Variants in SPTAN1 observed in about 807,000 individuals in gnomAD.
The protein encoded by SPTAN1 is spectrin alpha chain, non-erythrocytic 1.
SPTAN1 carries 61 observed loss-of-function variants against 331.3 expected under a neutral mutation model. The ratio of observed to expected loss-of-function variants is 0.18; its 90% CI spans 0.15 to 0.23. The LOEUF is 0.23. Ranked by LOEUF, SPTAN1 falls within the 10% of genes least tolerant of loss-of-function variation. The pLI, the probability that SPTAN1 is intolerant of heterozygous loss-of-function variation, is 1.00. For synonymous variants in SPTAN1, 1,153 were observed against 1,173.9 expected (o/e 0.98, Z 0.36); for missense variants, 2,043 against 3,147.9 (o/e 0.65, Z 8.40).
intron 20 of SPTAN1, 87 bp from the exon 21 acceptor site, chr9:128,588,722 A>T (rs1853017774): frequency 2.5e-6 from 4 of 1,572,384 alleles, no homozygotes; most frequent in South Asian, 2.2e-5. Context: ...CATTTGGTAC[A>T]GCTGGTGGCA....
rs985235269 is a variant in SPTAN1, at chr9:128,629,178, T to C, written c.6708-1143T>C. ...TATCAGTATGAAGTTGGGGATGATC[T>C]GTCTGGAAGGTTTTTCTCCTTATTT... is the stretch of plus-strand genomic sequence containing the variant. On this transcript the variant is annotated intron_variant, in intron 51 of 56. Transcript: ENST00000372739. The surrounding 1 kb of genome is among the most constrained non-coding windows in gnomAD (Gnocchi z 4.9). 10 of 398,610 alleles carry C rather than the reference T, an allele frequency of 2.5e-5. No individual in the cohort carries two copies. The Admixed American group carries it at 2.6e-4, about 11-fold the overall frequency. The allele number at this position is 398,610 out of a possible 1,614,324, so 24.7% of individuals were successfully genotyped here.
chr9:128,633,610 T>TCCCC lies in SPTAN1; in HGVS notation c.*278_*281dup. ...CCTCCCCTTGTTCTCTCTCCCACCC[T>TCCCC]CCCCCAAATCTGTTTTCATGTAAAA... is the stretch of plus-strand genomic sequence containing the variant. On this transcript the variant is annotated 3_prime_UTR_variant, in exon 57 of 57. Coordinates refer to ENST00000372739, the MANE Select transcript of SPTAN1 (RefSeq NM_001130438.3). 1 of 1,170,572 alleles carries TCCCC rather than the reference T, an allele frequency of 8.5e-7. No individual in the cohort carries two copies. The highest frequency in any genetic ancestry group is 1.2e-6 in the Non-Finnish European group (1 of 825,094). The allele number at this position is 1,170,572 out of a possible 1,614,324, so 72.5% of individuals were successfully genotyped here. A position where few individuals can be genotyped will look rare whatever the true frequency, so the allele number is the denominator to read the frequency against.
chr9:128,560,527 T>A (rs1164023632), intron 1 of SPTAN1, among the ~76,000 whole-genome samples: 1 of 151,946 alleles, frequency 6.6e-6, no homozygotes. Flanking sequence ...ACTACAGGCA[T>A]GTGCCACCAC....
At chr9:128,615,595 G>A (rs1450608129) in intron 40 of SPTAN1, 37 bp from the exon 41 acceptor site, 1 of 1,608,880 alleles carries the variant, frequency 6.2e-7, no homozygotes, top group Non-Finnish European at 8.5e-7. Flanking sequence ...AGCTGTGGGA[G>A]ACCCAGTTTC....
At chr9:128,631,129 G>C (rs1859649723) in intron 52 of SPTAN1, among the ~76,000 whole-genome samples, 5 of 152,102 alleles carry the variant, frequency 3.3e-5, no homozygotes, top group Admixed American at 1.3e-4. Flanking sequence ...ACAAGCATGA[G>C]CCACCACTCC....
chr9:128,594,605 A>G (rs560180275), intron 24 of SPTAN1, among the ~76,000 whole-genome samples: 64 of 150,902 alleles, frequency 4.2e-4, no homozygotes, highest in African/African-American at 1.5e-3. Context: ...TAATTTTTGT[A>G]TTTTTTGGTA....
At chr9:128,632,385 C>T (rs753804658) in intron 53 of SPTAN1, 46 bp from the exon 54 acceptor site, 11 of 1,613,220 alleles carry the variant, frequency 6.8e-6, no homozygotes, top group Non-Finnish European at 8.5e-6. Flanking sequence ...GACACAGTCA[C>T]CTGCTGTGTG....
chr9:128,624,233 C>T (rs763575678), intron 45 of SPTAN1, 95 bp from the exon 46 acceptor site: 136 of 1,503,806 alleles, frequency 9.0e-5, no homozygotes, highest in Non-Finnish European at 1.1e-4. Flanking sequence ...GCAAGTGGCC[C>T]ATTTTATAGA....
chr9:128,626,171 C>A, intron 48 of SPTAN1, 193 bp downstream of exon 48: 1 of 859,968 alleles, frequency 1.2e-6, no homozygotes, highest in Non-Finnish European at 1.8e-6. Context: ...CATTCAGAAG[C>A]ACGCAGGACA....
chr9:128,618,863 G>A lies in SPTAN1; in HGVS notation c.5601-8G>A. ...ATGGCTGATTTTCTTCCTGTCTCCT[G>A]TAATTAGGGGTCAGCGGCTGGAAGA... On this transcript the variant is annotated splice_region_variant and splice_polypyrimidine_tract_variant and intron_variant, in intron 43 of 56. Coordinates refer to ENST00000372739, the MANE Select transcript of SPTAN1 (RefSeq NM_001130438.3). 3 of 1,614,154 alleles carry A rather than the reference G, an allele frequency of 1.9e-6. No homozygotes were observed. Among genetic ancestry groups the A allele is most frequent in the Non-Finnish European group, 2.5e-6 (3 of 1,180,032 alleles).
chr9:128,604,195 C>T (rs1481478633), intron 28 of SPTAN1, 131 bp from the exon 29 acceptor site: 5 of 935,314 alleles, frequency 5.3e-6, no homozygotes, highest in East Asian at 5.2e-5. Flanking sequence ...ATTTATTCAG[C>T]GAGGAAGGTT....
intron 46 of SPTAN1, 173 bp from the exon 47 acceptor site, chr9:128,624,930 G>T: frequency 1.5e-6 from 1 of 687,976 alleles, no homozygotes; most frequent in Non-Finnish European, 2.6e-6. Context: ...GGCACAGATG[G>T]AGGCCAGGCC....
chr9:128,591,831 C>G (rs1263664668), intron 22 of SPTAN1, among the ~76,000 whole-genome samples: 1 of 152,092 alleles, frequency 6.6e-6, no homozygotes, highest in Non-Finnish European at 1.5e-5. Context: ...TTTTTTTCCA[C>G]CAGTGTTCAT....
chr9:128,611,597 G>C, intron 37 of SPTAN1, 117 bp from the exon 38 acceptor site: 1 of 1,197,782 alleles, frequency 8.3e-7, no homozygotes, highest in Non-Finnish European at 1.2e-6. Flanking sequence ...AAAAACGTTG[G>C]CATTTACCCC....
At position 128,571,484 on chromosome 9, in the gene SPTAN1, C is replaced by G. The variant is rs141939928; in HGVS notation, c.363+2587C>G. Among the ~76,000 whole-genome samples the G allele has an allele frequency of 9.2e-3, 1,406 of 152,172 alleles. 13 individuals are homozygous for G. The highest frequency in any genetic ancestry group is 0.016 in the Non-Finnish European group (1,086 of 68,022). On this transcript the variant is annotated intron_variant, in intron 3 of 56. Transcript: ENST00000372739. ...CCTGTAATCCCAGCTAGTTGGGAGG[C>G]TGAAGCAGGAGAATTGCTTGAACTC...
rs1860157281 is a variant in SPTAN1, at chr9:128,633,405, T to C, written c.*71T>C. 1 of 1,607,672 alleles carries C rather than the reference T, an allele frequency of 6.2e-7. No homozygotes were observed. The highest frequency in any genetic ancestry group is 1.3e-5 in the African/African-American group (1 of 74,888). On this transcript the variant is annotated 3_prime_UTR_variant, in exon 57 of 57. Transcript: ENST00000372739. ...CTTGCTGCATGTCCGCTCCTCTGTGTGCTCTCACTTTCCACTGTAACCTTA... is the reference window on the plus strand; with the variant it reads ...CTTGCTGCATGTCCGCTCCTCTGTGCGCTCTCACTTTCCACTGTAACCTTA...
At chr9:128,585,263 A>G (rs1249195986) in intron 18 of SPTAN1, among the ~76,000 whole-genome samples, 1 of 152,078 alleles carries the variant, frequency 6.6e-6, no homozygotes, top group Non-Finnish European at 1.5e-5. Flanking sequence ...TCCTGACCTC[A>G]GGTGATCCAC....
chr9:128,572,116 T>TC (rs1850795332), intron 3 of SPTAN1, among the ~76,000 whole-genome samples: 2 of 152,212 alleles, frequency 1.3e-5, no homozygotes, highest in African/African-American at 4.8e-5. Flanking sequence ...TGCCTCGGCC[T>TC]CCCAAAGTGC....
intron 15 of SPTAN1, 93 bp downstream of exon 15, chr9:128,583,374 AAGGTG>A: frequency 7.8e-7 from 1 of 1,279,798 alleles, no homozygotes; most frequent in Non-Finnish European, 1.1e-6. Flanking sequence ...CCCCCCAAGA[AAGGTG>A]AGGTGGATGA....
Sources: gnomAD v4.1 joint callset for allele counts (sites outside exome capture counted in the v4.1 genomes callset) on GRCh38, gnomAD v4.1.1 for gene constraint, Gnocchi (gnomAD v3.1) non-coding constraint, MANE v1.5 for transcripts, NCBI Gene and HGNC (gene_info 2026-07-23, HGNC 2026-07-21) for gene names.